Variants in SLC9A9 observed in about 807,000 individuals in gnomAD.
The protein encoded by SLC9A9 is solute carrier family 9 member A9, also known as sodium/hydrogen exchanger 9.
A neutral mutation model predicts 77.8 loss-of-function variants in SLC9A9; 62 were observed. That is an observed-to-expected ratio of 0.80 (90% CI 0.65 to 0.98). SLC9A9 has a LOEUF of 0.98. Ranked by LOEUF, SLC9A9 falls within the 50% of genes least tolerant of loss-of-function variation. The pLI, the probability that SLC9A9 is intolerant of heterozygous loss-of-function variation, is 0.00. For missense variants in SLC9A9, 775 were observed against 774.9 expected, an observed-to-expected ratio of 1.00 and a Z score of 0.00; for synonymous variants, 320 against 283.5, an observed-to-expected ratio of 1.13 and a Z score of -1.29.
chr3:143,607,622 T>G (rs2037949630), intron 6 of SLC9A9, among the ~76,000 whole-genome samples: 1 of 151,942 alleles, frequency 6.6e-6, no homozygotes, highest in African/African-American at 2.4e-5. Flanking sequence ...TTAAGGATAA[T>G]GACTAAAATA....
At chr3:143,296,863 T>G (rs1263934100) in intron 14 of SLC9A9, among the ~76,000 whole-genome samples, 1 of 152,166 alleles carries the variant, frequency 6.6e-6, no homozygotes, top group Admixed American at 6.5e-5. Flanking sequence ...CTTTGCCCAT[T>G]TTTAAATTGG....
intron 9 of SLC9A9, among the ~76,000 whole-genome samples, chr3:143,501,615 A>G (rs1180716757): frequency 2.6e-5 from 4 of 151,064 alleles, no homozygotes; most frequent in Non-Finnish European, 5.9e-5. Flanking sequence ...ATCAGTTTTT[A>G]AAAACCTTTG....
At chr3:143,821,684 C>T (rs1013118070) in intron 2 of SLC9A9, among the ~76,000 whole-genome samples, 1 of 152,178 alleles carries the variant, frequency 6.6e-6, no homozygotes, top group African/African-American at 2.4e-5. Flanking sequence ...TGATTTGTAC[C>T]TTTTGCCAAT....
chr3:143,782,637 CA>C (rs1459437070), intron 4 of SLC9A9, among the ~76,000 whole-genome samples: 1 of 152,098 alleles, frequency 6.6e-6, no homozygotes. Flanking sequence ...CCAAGCACAC[CA>C]AAAAAATGCA....
chr3:143,707,338 C>G (rs1359655244), intron 4 of SLC9A9, among the ~76,000 whole-genome samples: 2 of 148,434 alleles, frequency 1.3e-5, no homozygotes, highest in Non-Finnish European at 3.0e-5. Context: ...TGTCAAACAC[C>G]CTATTAGTAC....
At position 143,609,020 on chromosome 3, in the gene SLC9A9, G is replaced by A. The variant is rs113362316; in HGVS notation, c.756-30297C>T. Among the ~76,000 whole-genome samples the A allele has an allele frequency of 6.7e-3, 1,025 of 152,204 alleles. 13 individuals carry two copies. The highest frequency in any genetic ancestry group is 0.022 in the African/African-American group (931 of 41,530). On this transcript the variant is annotated intron_variant, in intron 6 of 15. Coordinates refer to ENST00000316549, the MANE Select transcript of SLC9A9 (RefSeq NM_173653.4). ...TCCTTAGCTGTCTATGATGCGACAC[G>A]GTTCGTTGTGGGTGGTGCTCTGTAA...
intron 14 of SLC9A9, among the ~76,000 whole-genome samples, chr3:143,358,763 T>C (rs1172491370): frequency 6.6e-6 from 1 of 152,206 alleles, no homozygotes; most frequent in African/African-American, 2.4e-5. Context: ...TTATGAGAGA[T>C]TGCTAGTGAG....
intron 12 of SLC9A9, among the ~76,000 whole-genome samples, chr3:143,384,536 C>T (rs548373111): frequency 6.6e-5 from 10 of 152,144 alleles, no homozygotes; most frequent in Non-Finnish European, 1.3e-4. Context: ...CAACATTTAA[C>T]GTTTGAGGCA....
intron 14 of SLC9A9, among the ~76,000 whole-genome samples, chr3:143,283,031 CTT>C (rs1451170043): frequency 6.6e-6 from 1 of 152,220 alleles, no homozygotes; most frequent in Non-Finnish European, 1.5e-5. Context: ...TATCTCCTCT[CTT>C]GTTAGACTGT....
intron 4 of SLC9A9, among the ~76,000 whole-genome samples, chr3:143,787,721 A>G (rs1038651614): frequency 1.3e-5 from 2 of 152,110 alleles, no homozygotes; most frequent in African/African-American, 4.8e-5. Flanking sequence ...AGTTTTTGCT[A>G]TTGTGAAGTG....
At chr3:143,628,078 G>A (rs771856954) in intron 6 of SLC9A9, among the ~76,000 whole-genome samples, 5 of 152,064 alleles carry the variant, frequency 3.3e-5, no homozygotes, top group Non-Finnish European at 7.4e-5. Flanking sequence ...AGGAAAATAC[G>A]GCTTTCTCAC....
At chr3:143,766,040 C>G (rs1487250362) in intron 4 of SLC9A9, among the ~76,000 whole-genome samples, 4 of 152,156 alleles carry the variant, frequency 2.6e-5, no homozygotes, top group Non-Finnish European at 4.4e-5. Context: ...CCAACTGATA[C>G]AAGAAGAATC....
In SLC9A9 at chr3:143,467,156, A is replaced by C. The variant is rs1281868293; in HGVS notation, c.1350T>G (p.Ile450Met). The C allele has an allele frequency of 6.2e-7, 1 of 1,614,216 alleles. No individual in the cohort carries two copies. The highest frequency in any genetic ancestry group is 1.7e-5 in the Admixed American group (1 of 60,034). ...GTTTGGGCTGAGATTCTGTGTTCCG[A>C]ATAGCTAAGGCAAATGCGATCGCTC... ...LRGAIAFALA[I>M]RNTESQPKQM... is the part of the protein sequence containing the mutation. The change falls in exon 12 of 16, where the codon ATT (isoleucine) becomes ATG (methionine). Residue 450 changes from isoleucine (I) to methionine (M), a missense_variant. Physicochemically the swap from Ile to Met is conservative, Grantham distance 10. Coordinates refer to ENST00000316549, the MANE Select transcript of SLC9A9 (RefSeq NM_173653.4).
At chr3:143,380,772 T>C (rs979292251) in intron 13 of SLC9A9, among the ~76,000 whole-genome samples, 2 of 152,200 alleles carry the variant, frequency 1.3e-5, no homozygotes, top group Non-Finnish European at 2.9e-5. Flanking sequence ...ACCAACTTAA[T>C]TTCCCAGCCT....
At chr3:143,417,546 G>A (rs184242051) in intron 12 of SLC9A9, among the ~76,000 whole-genome samples, 2 of 151,418 alleles carry the variant, frequency 1.3e-5, no homozygotes, top group Non-Finnish European at 2.9e-5. Flanking sequence ...GGGATGGATG[G>A]AGGGAGGGAA....
At chr3:143,771,847 TGGA>T in intron 4 of SLC9A9, among the ~76,000 whole-genome samples, 1 of 151,482 alleles carries the variant, frequency 6.6e-6, no homozygotes, top group Middle Eastern at 3.2e-3. Context: ...TCCCAGGGGG[TGGA>T]GAAGGGACCA....
At chr3:143,596,690 T>A (rs1486097474) in intron 6 of SLC9A9, among the ~76,000 whole-genome samples, 4 of 152,116 alleles carry the variant, frequency 2.6e-5, no homozygotes, top group Non-Finnish European at 5.9e-5. Context: ...AAAGACAGGA[T>A]CTTGCTGTGT....
chr3:143,361,330 AC>A (rs1378202746), intron 14 of SLC9A9, among the ~76,000 whole-genome samples: 10 of 152,192 alleles, frequency 6.6e-5, no homozygotes, highest in Admixed American at 6.5e-4. Flanking sequence ...CAGCCTTGTG[AC>A]AATTTCTTTT....
At chr3:143,696,760 T>C (rs1442666644) in intron 4 of SLC9A9, among the ~76,000 whole-genome samples, 1 of 152,172 alleles carries the variant, frequency 6.6e-6, no homozygotes, top group Non-Finnish European at 1.5e-5. Flanking sequence ...TTGTTCCATA[T>C]TGTACAGAAG....
Sources: allele counts gnomAD v4.1 joint callset (sites outside exome capture counted in the v4.1 genomes callset), GRCh38; gene constraint gnomAD v4.1.1; transcripts MANE v1.5; gene names NCBI Gene and HGNC (gene_info 2026-07-23, HGNC 2026-07-21).